The following SLC33A1 variants were observed in gnomAD, a reference collection of about 807,000 sequenced individuals.
SLC33A1 encodes the protein solute carrier family 33 member 1.
Under a neutral mutation model 50.0 loss-of-function variants are expected in SLC33A1, and 20 were observed. The observed-to-expected ratio is 0.40, with a 90% CI of 0.28 to 0.58. SLC33A1 has a LOEUF of 0.58. SLC33A1 is among the 20% of genes least tolerant of loss of function. The probability of loss-of-function intolerance (pLI) is 0.44; values close to 1 mark genes in which losing one functional copy is unlikely to be tolerated. For synonymous variants in SLC33A1, 265 were observed against 251.8 expected, an observed-to-expected ratio of 1.05 and a Z score of -0.50; for missense variants, 476 against 657.0, an observed-to-expected ratio of 0.72 and a Z score of 3.01.
At chr3:155,830,163 A>G (rs2109305601) in intron 4 of SLC33A1, among the ~76,000 whole-genome samples, 1 of 151,254 alleles carries the variant, frequency 6.6e-6, no homozygotes, top group Admixed American at 6.6e-5. Context: ...GGAGATCGAG[A>G]CCATCCTGGC....
intron 1 of SLC33A1, among the ~76,000 whole-genome samples, chr3:155,849,279 A>C (rs541259210): frequency 6.6e-6 from 1 of 152,276 alleles, no homozygotes; most frequent in Non-Finnish European, 1.5e-5. Context: ...AGATTTTCTA[A>C]ACATTGCCTC....
In SLC33A1 at chr3:155,834,105, A is replaced by G. The variant is rs422497; in HGVS notation, c.964-64T>C. The G allele has an allele frequency of 0.25, 332,160 of 1,332,286 alleles. 44,047 individuals carry two copies. The highest frequency in any genetic ancestry group is 0.39 in the South Asian group (32,146 of 83,052). 82.5% of individuals were successfully genotyped at this position (1,332,286 alleles called of 1,614,324 possible). On this transcript the variant is annotated intron_variant, in intron 2 of 5. Coordinates refer to ENST00000643144, the MANE Select transcript of SLC33A1 (RefSeq NM_004733.4). ...TTATGAAATATTTTCCTCCATGCATATGTAAGTTCTTCAAGAACCTCAATT... is the reference window on the plus strand; with the variant it reads ...TTATGAAATATTTTCCTCCATGCATGTGTAAGTTCTTCAAGAACCTCAATT...
chr3:155,839,764 A>G (rs1240333987), intron 2 of SLC33A1, among the ~76,000 whole-genome samples: 4 of 152,080 alleles, frequency 2.6e-5, no homozygotes, highest in Non-Finnish European at 5.9e-5. Context: ...CCTGGCCGAC[A>G]TAGTGAAACC....
At position 155,850,621 on chromosome 3, in the gene SLC33A1, CT is replaced by C. The variant is rs113648327; in HGVS notation, c.775+2601del. 2.3e-3 allele frequency among the ~76,000 whole-genome samples: 334 copies of C among 143,886 alleles called. 1 individual carries two copies. Among genetic ancestry groups the C allele is most frequent in the Middle Eastern group, 3.6e-3 (1 of 274 alleles). 94.4% of individuals were successfully genotyped at this position (143,886 alleles called of 152,430 possible). ...GGATTTTAATTTACACTGACTTATT[CT>C]TTTTTTTTTTTTGAGATGGAGCCTT... is the stretch of plus-strand genomic sequence containing the variant. On this transcript the variant is annotated intron_variant, in intron 1 of 5. Transcript: ENST00000643144.
At chr3:155,829,276 T>C (rs1005714838) in intron 5 of SLC33A1, among the ~76,000 whole-genome samples, 1 of 152,194 alleles carries the variant, frequency 6.6e-6, no homozygotes, top group Non-Finnish European at 1.5e-5. Flanking sequence ...ACTCTAGAAG[T>C]AGACAAATAC....
intron 2 of SLC33A1, among the ~76,000 whole-genome samples, chr3:155,842,063 T>C (rs947154525): frequency 2.0e-5 from 3 of 152,162 alleles, no homozygotes; most frequent in African/African-American, 7.2e-5. Flanking sequence ...TCTTTTTACG[T>C]CACACTCTTA....
At chr3:155,830,045 C>T in intron 4 of SLC33A1, 142 bp from the exon 5 acceptor site, 1 of 655,980 alleles carries the variant, frequency 1.5e-6, no homozygotes, top group Non-Finnish European at 2.7e-6. Context: ...TTATCAAGCA[C>T]CTACTATAGG....
chr3:155,839,993 C>T (rs367946890), intron 2 of SLC33A1, among the ~76,000 whole-genome samples: 29 of 151,386 alleles, frequency 1.9e-4, no homozygotes, highest in East Asian at 1.7e-3. Flanking sequence ...ATGAAGTATA[C>T]GTATACACAC....
chr3:155,835,209 T>C (rs981172506), intron 2 of SLC33A1, among the ~76,000 whole-genome samples: 27 of 152,152 alleles, frequency 1.8e-4, no homozygotes, highest in African/African-American at 5.8e-4. Flanking sequence ...GTAATGGATA[T>C]ACATAGAAAG....
intron 4 of SLC33A1, among the ~76,000 whole-genome samples, chr3:155,831,867 C>T (rs1340682583): frequency 6.6e-6 from 1 of 152,186 alleles, no homozygotes; most frequent in Non-Finnish European, 1.5e-5. Flanking sequence ...AAATGATTTA[C>T]TGTATGCACA....
intron 1 of SLC33A1, chr3:155,842,871 G>T (rs1275173164): frequency 8.1e-6 from 2 of 247,994 alleles, no homozygotes; most frequent in East Asian, 1.1e-4. Flanking sequence ...AGCCAGGCTT[G>T]GTGGTGCACA....
At position 155,829,689 on chromosome 3, in the gene SLC33A1, T is replaced by A. The variant is rs1752332494; in HGVS notation, c.1481A>T (p.Glu494Val). Residue 494 changes from glutamate to valine, a missense_variant and splice_region_variant, in exon 5 of 6, where the codon GAG becomes GTG. By Grantham distance (121) the Glu-to-Val change is moderately radical. Coordinates refer to ENST00000643144, the MANE Select transcript of SLC33A1 (RefSeq NM_004733.4). Reference protein sequence around the residue: ...NQNCRTPDAVELCKKLGGSCV... With the variant: ...NQNCRTPDAVVLCKKLGGSCV... ...TATCTAAAATTAAAACATACTTACCTCAACAGCATCAGGTGTTCGACAATT... is the reference window on the plus strand; with the variant it reads ...TATCTAAAATTAAAACATACTTACCACAACAGCATCAGGTGTTCGACAATT... The A allele has an allele frequency of 1.9e-6, 3 of 1,605,382 alleles. No individual in the cohort carries two copies. The highest frequency in any genetic ancestry group is 3.3e-5 in the Admixed American group (2 of 59,982).
At chr3:155,832,723 CA>C (rs11303771) in intron 4 of SLC33A1, among the ~76,000 whole-genome samples, 5,536 of 28,284 alleles carry the variant, frequency 0.2, 130 homozygotes, top group African/African-American at 0.37. Flanking sequence ...GACTCTGTCT[CA>C]AAAAAAAAAA....
In SLC33A1 at chr3:155,825,139, C is replaced by G. The variant is rs945347781; in HGVS notation, c.*3071G>C. The G allele has an allele frequency of 7.2e-5, 11 of 151,958 alleles. No homozygotes were observed. Among genetic ancestry groups the G allele is most frequent in the Admixed American group, 7.2e-4 (11 of 15,230 alleles). The allele number at this position is 151,958 out of a possible 1,614,324, so 9.4% of individuals were successfully genotyped here. A position where few individuals can be genotyped will look rare whatever the true frequency, so the allele number is the denominator to read the frequency against. On this transcript the variant is annotated 3_prime_UTR_variant, in exon 6 of 6. Coordinates refer to ENST00000643144, the MANE Select transcript of SLC33A1 (RefSeq NM_004733.4). ...CCTGTAGTCCTAGCTACCAGAGAGGCTGAGGTGGAAAGATCCTTTTTTGTT... is the reference window on the plus strand; with the variant it reads ...CCTGTAGTCCTAGCTACCAGAGAGGGTGAGGTGGAAAGATCCTTTTTTGTT...
intron 1 of SLC33A1, among the ~76,000 whole-genome samples, chr3:155,848,695 AAAG>A (rs1186104958): frequency 3.3e-5 from 5 of 152,170 alleles, no homozygotes; most frequent in Admixed American, 2.0e-4. Flanking sequence ...AACAACAAAA[AAAG>A]AAGATCTAGC....
At chr3:155,843,412 T>C (rs570713435) in intron 1 of SLC33A1, among the ~76,000 whole-genome samples, 57 of 152,288 alleles carry the variant, frequency 3.7e-4, no homozygotes, top group Admixed American at 2.0e-3. Context: ...CTCATCTCAA[T>C]AATATGATAT....
At chr3:155,836,759 C>T (rs143713079) in intron 2 of SLC33A1, among the ~76,000 whole-genome samples, 5 of 151,956 alleles carry the variant, frequency 3.3e-5, no homozygotes, top group African/African-American at 4.8e-5. Flanking sequence ...ATTTACTGGG[C>T]GTGGTGGTGG....
chr3:155,840,544 G>A (rs759443670), intron 2 of SLC33A1, among the ~76,000 whole-genome samples: 6 of 151,906 alleles, frequency 3.9e-5, no homozygotes, highest in Non-Finnish European at 5.9e-5. Flanking sequence ...ATTGCCAGGC[G>A]CGGTGGCTCA....
intron 2 of SLC33A1, among the ~76,000 whole-genome samples, chr3:155,835,770 T>TA (rs1427715634): frequency 6.6e-6 from 1 of 152,080 alleles, no homozygotes; most frequent in Non-Finnish European, 1.5e-5. Context: ...CTAGCTCATC[T>TA]AAAAAACCCC....
Sources: allele counts gnomAD v4.1 joint callset (sites outside exome capture counted in the v4.1 genomes callset), GRCh38; gene constraint gnomAD v4.1.1; transcripts MANE v1.5; gene names NCBI Gene and HGNC (gene_info 2026-07-23, HGNC 2026-07-21).